The following STXBP4 variants were observed in gnomAD, a reference collection of about 807,000 sequenced individuals.
The protein encoded by STXBP4 is syntaxin binding protein 4, also known as syntaxin-binding protein 4.
STXBP4 carries 55 observed loss-of-function variants against 76.1 expected under a neutral mutation model. The ratio of observed to expected loss-of-function variants is 0.72; its 90% confidence interval spans 0.58 to 0.91. The LOEUF is 0.91. Ranked by LOEUF, STXBP4 falls within the 40% of genes least tolerant of loss-of-function variation. STXBP4 has a pLI of 0.00. For missense variants in STXBP4, 618 were observed against 636.9 expected (o/e 0.97, Z 0.32); for synonymous variants, 201 against 220.2 (o/e 0.91, Z 0.77).
At position 55,156,531 on chromosome 17, in the gene STXBP4, T is replaced by G. The variant is rs539780348; in HGVS notation, c.1548-3266T>G. Among the ~76,000 whole-genome samples, 4 of 152,340 alleles carry G rather than the reference T, an allele frequency of 2.6e-5. No homozygotes were observed. In the South Asian group the frequency reaches 8.3e-4, roughly 32 times the overall value. On this transcript the variant is annotated intron_variant, in intron 17 of 17. Transcript: ENST00000376352. Reference sequence around the variant, plus strand: ...AATAAAACTAGCTATGATTATTTATTGAATGTCTCCTCTCTGCCAGGCACT... The same window carrying G: ...AATAAAACTAGCTATGATTATTTATGGAATGTCTCCTCTCTGCCAGGCACT...
chr17:54,982,424 AT>A (rs1220514163), intron 1 of STXBP4, among the ~76,000 whole-genome samples: 1 of 152,000 alleles, frequency 6.6e-6, no homozygotes, highest in Non-Finnish European at 1.5e-5. Context: ...TAACAACAAG[AT>A]TTTTTTTCTC....
At chr17:55,159,649 A>AT (rs1482131341) in intron 17 of STXBP4, 148 bp from the exon 18 acceptor site, 1 of 529,100 alleles carries the variant, frequency 1.9e-6, no homozygotes, top group African/African-American at 2.0e-5. Flanking sequence ...TGTGTCTAAG[A>AT]CTTATTAAAG....
At chr17:54,984,523 T>G (rs1398348196) in intron 1 of STXBP4, among the ~76,000 whole-genome samples, 1 of 151,792 alleles carries the variant, frequency 6.6e-6, no homozygotes, top group Non-Finnish European at 1.5e-5. Flanking sequence ...TTTTGTATTT[T>G]TAGTAGAGAC....
chr17:55,078,755 TTTTGCA>T lies in STXBP4; in HGVS notation c.1355+21_1355+26del. 1 of 1,337,750 alleles carries T rather than the reference TTTTGCA, an allele frequency of 7.5e-7. No homozygotes were observed. The highest frequency in any genetic ancestry group is 1.2e-5 in the South Asian group (1 of 83,498). The allele number at this position is 1,337,750 out of a possible 1,614,324, so 82.9% of individuals were successfully genotyped here. On this transcript the variant is annotated intron_variant, in intron 15 of 17. Transcript: ENST00000376352. Reference sequence around the variant, plus strand: ...TTTAAGGTAAGAAAATTTAAGTGCTTTTTGCAGAATATGGGTAGTGATTAAATTCTT... The same window carrying T: ...TTTAAGGTAAGAAAATTTAAGTGCTTGAATATGGGTAGTGATTAAATTCTT...
At chr17:55,080,883 A>G (rs115370533) in intron 15 of STXBP4, among the ~76,000 whole-genome samples, 167 bp from the exon 16 acceptor site, 2,158 of 152,218 alleles carry the variant, frequency 0.014, 42 homozygotes, top group African/African-American at 0.04. Context: ...AATTGAAAAC[A>G]GAAATATTGT....
the STXBP4 span, among the ~76,000 whole-genome samples, chr17:55,207,534 C>T: frequency 6.6e-6 from 1 of 152,340 alleles, no homozygotes; most frequent in South Asian, 2.1e-4. Context: ...TCTACTCCTA[C>T]AAATTCCCTT....
chr17:54,977,632 T>C (rs1467394394), intron 1 of STXBP4, among the ~76,000 whole-genome samples: 1 of 152,244 alleles, frequency 6.6e-6, no homozygotes, highest in Non-Finnish European at 1.5e-5. Context: ...GAAACTTTCA[T>C]GTCATTTAAA....
At chr17:55,000,363 CT>C (rs1312640899) in intron 6 of STXBP4, 12 of 589,008 alleles carry the variant, frequency 2.0e-5, no homozygotes, top group Non-Finnish European at 2.6e-5. Context: ...TTACTAACTG[CT>C]ATATTATCTG....
At chr17:55,185,228 CTTCTTCTTCTTCTTCTTCTT>C in the STXBP4 span, among the ~76,000 whole-genome samples, 1 of 44,424 alleles carries the variant, frequency 2.3e-5, no homozygotes, top group African/African-American at 1.1e-4. Flanking sequence ...TCTTCTTCTT[CTTCTTCTTCTTCTTCTTCTT>C]CTCCTTCTCC....
At chr17:55,109,669 G>A in intron 16 of STXBP4, among the ~76,000 whole-genome samples, 1 of 128,190 alleles carries the variant, frequency 7.8e-6, no homozygotes, top group East Asian at 2.2e-4. Context: ...CACTCTTGTT[G>A]CCCAGGCTGG....
intron 1 of STXBP4, among the ~76,000 whole-genome samples, chr17:54,969,820 G>A (rs1385492851): frequency 6.6e-6 from 1 of 152,214 alleles, no homozygotes; most frequent in East Asian, 1.9e-4. Flanking sequence ...CACAGAACAA[G>A]TCGGGAGATC....
At position 55,159,811 on chromosome 17, in the gene STXBP4, C is replaced by A. The variant is rs750855187; in HGVS notation, c.1562C>A (p.Thr521Asn). Reference protein sequence around the residue: ...IKYFINHVTQTTSWIHPVMSV... With the variant: ...IKYFINHVTQNTSWIHPVMSV... ...TTCTTCTCAAGTCATGTAACACAGACTACATCCTGGATCCATCCCGTGATG... is the reference window on the plus strand; with the variant it reads ...TTCTTCTCAAGTCATGTAACACAGAATACATCCTGGATCCATCCCGTGATG... Residue 521 changes from threonine to asparagine, a missense_variant, in exon 18 of 18, where the codon ACT (threonine) becomes AAT (asparagine). Physicochemically the swap from Thr to Asn is moderately conservative, Grantham distance 65 (BLOSUM62 0). Transcript: ENST00000376352. 11 of 1,610,910 alleles carry A rather than the reference C, an allele frequency of 6.8e-6. No individual in the cohort carries two copies. Among genetic ancestry groups the A allele is most frequent in the Non-Finnish European group, 6.8e-6 (8 of 1,177,420 alleles).
chr17:55,202,204 C>T, the STXBP4 span, among the ~76,000 whole-genome samples: 872 of 152,198 alleles, frequency 5.7e-3, 11 homozygotes, highest in African/African-American at 0.02. Context: ...TACTCCTCCT[C>T]TACCAACTCA....
chr17:55,051,750 G>C (rs1412439533), intron 12 of STXBP4, among the ~76,000 whole-genome samples: 1 of 151,958 alleles, frequency 6.6e-6, no homozygotes, highest in Non-Finnish European at 1.5e-5. Context: ...GTGACACCTT[G>C]TCTCTTAAAA....
At chr17:55,113,217 CCACACACACACACACACACACACACA>C (rs10611316) in intron 16 of STXBP4, among the ~76,000 whole-genome samples, 8 of 141,328 alleles carry the variant, frequency 5.7e-5, no homozygotes, top group Non-Finnish European at 9.3e-5. Context: ...GGTGCTCTTA[CCACACACACACACACACACACACACA>C]CACACACACA....
chr17:55,085,192 A>G (rs1425181918), intron 16 of STXBP4, among the ~76,000 whole-genome samples: 1 of 127,660 alleles, frequency 7.8e-6, no homozygotes, highest in Non-Finnish European at 1.6e-5. Flanking sequence ...GGAACATCAC[A>G]CTCTGGGGAC....
chr17:55,153,638 A>G lies in STXBP4; in HGVS notation c.1548-6159A>G, dbSNP rs58861646. On this transcript the variant is annotated intron_variant, in intron 17 of 17. Coordinates refer to ENST00000376352, the MANE Select transcript of STXBP4 (RefSeq NM_178509.6). ...AAGAATGTTTAGTCAGATGTTTATT[A>G]AACTTCTTTTGTTGATTAAATTAAG... Among the ~76,000 whole-genome samples, 821 of 152,274 alleles carry G rather than the reference A, an allele frequency of 5.4e-3. 7 individuals carry two copies. The highest frequency in any genetic ancestry group is 0.019 in the African/African-American group (773 of 41,560).
At chr17:55,017,058 A>G (rs1432238094) in intron 8 of STXBP4, among the ~76,000 whole-genome samples, 2 of 152,196 alleles carry the variant, frequency 1.3e-5, no homozygotes, top group Non-Finnish European at 2.9e-5. Context: ...TTGCACTGAC[A>G]ACAAGGTAGT....
chr17:55,020,080 C>G (rs1027743275), intron 8 of STXBP4, among the ~76,000 whole-genome samples: 2 of 152,152 alleles, frequency 1.3e-5, no homozygotes, highest in Non-Finnish European at 2.9e-5. Context: ...AAATTCTCAG[C>G]TAGCATCACT....
Sources: gnomAD v4.1 joint callset for allele counts (sites outside exome capture counted in the v4.1 genomes callset) on GRCh38, gnomAD v4.1.1 for gene constraint, MANE v1.5 for transcripts, NCBI Gene and HGNC (gene_info 2026-07-23, HGNC 2026-07-21) for gene names.